The following BIRC2 variants were observed in gnomAD, a reference collection of about 807,000 sequenced individuals.
BIRC2 encodes the protein baculoviral IAP repeat containing 2.
Under a neutral mutation model 60.9 loss-of-function variants are expected in BIRC2, and 18 were observed. The ratio of observed to expected loss-of-function variants is 0.30; its 90% CI spans 0.20 to 0.44. The LOEUF (loss-of-function observed/expected upper bound fraction) is 0.44, where lower values mean the gene tolerates loss of function less well. Ranked by LOEUF, BIRC2 falls within the 20% of genes least tolerant of loss-of-function variation. BIRC2 has a pLI of 1.00. For missense variants in BIRC2, 701 were observed against 728.5 expected (o/e 0.96, Z 0.43); for synonymous variants, 282 against 247.7 (o/e 1.14, Z -1.30).
intron 6 of BIRC2, among the ~76,000 whole-genome samples, chr11:102,372,344 G>T (rs1012618948): frequency 6.6e-6 from 1 of 152,090 alleles, no homozygotes; most frequent in Non-Finnish European, 1.5e-5. Flanking sequence ...CTTTGAATGT[G>T]TCCCAGAGAT....
At chr11:102,360,467 C>T (rs1277733704) in intron 3 of BIRC2, among the ~76,000 whole-genome samples, 2 of 151,682 alleles carry the variant, frequency 1.3e-5, no homozygotes, top group African/African-American at 2.4e-5. Context: ...TTATGTTCTT[C>T]AGCTCCCGAA....
At chr11:102,351,233 A>G (rs1951355068) in intron 3 of BIRC2, among the ~76,000 whole-genome samples, 1 of 152,248 alleles carries the variant, frequency 6.6e-6, no homozygotes, top group African/African-American at 2.4e-5. Flanking sequence ...ATAGATTAAA[A>G]AGACGTTAGA....
chr11:102,371,853 T>C (rs1212761681), intron 6 of BIRC2, among the ~76,000 whole-genome samples: 1 of 152,110 alleles, frequency 6.6e-6, no homozygotes, highest in East Asian at 1.9e-4. Context: ...GATCCTGTTA[T>C]TGGTCTATTC....
intron 5 of BIRC2, among the ~76,000 whole-genome samples, chr11:102,365,220 CAACTT>C (rs1471988442): frequency 1.3e-5 from 2 of 152,294 alleles, no homozygotes; most frequent in African/African-American, 4.8e-5. Flanking sequence ...CCCCTACTGT[CAACTT>C]AAGAAGGTTA....
At chr11:102,353,060 A>G (rs1210111617) in intron 3 of BIRC2, among the ~76,000 whole-genome samples, 1 of 152,192 alleles carries the variant, frequency 6.6e-6, no homozygotes, top group Non-Finnish European at 1.5e-5. Context: ...AAAATTAAAA[A>G]GCATGTTTTA....
At chr11:102,363,577 A>T (rs537928483) in intron 4 of BIRC2, 91 bp from the exon 5 acceptor site, 3 of 963,566 alleles carry the variant, frequency 3.1e-6, no homozygotes, top group Admixed American at 2.0e-5. Context: ...GAACATATAC[A>T]TTTACTTAAA....
chr11:102,350,701 G>A lies in BIRC2; in HGVS notation c.847G>A (p.Val283Ile). 2.5e-6 allele frequency: 4 copies of A among 1,612,548 alleles called. No homozygotes were observed. Among genetic ancestry groups the A allele is most frequent in the Non-Finnish European group, 3.4e-6 (4 of 1,179,298 alleles). Residue 283 changes from valine to isoleucine, a missense_variant, in exon 2 of 9, where the codon GTT (valine) becomes ATT (isoleucine). By Grantham distance (29) the Val-to-Ile change is conservative (BLOSUM62 3). This residue lies in a region of BIRC2 where 375 missense variants were observed against 365.9 expected (regional missense o/e 1.02). Transcript: ENST00000227758. ...AACATTTATGTACTGGCCATCTAGT[G>A]TTCCAGTTCAGCCTGAGCAGCTTGC... ...MRTFMYWPSS[V>I]PVQPEQLASA...
intron 6 of BIRC2, among the ~76,000 whole-genome samples, chr11:102,375,686 A>T (rs567595608): frequency 6.6e-6 from 1 of 151,792 alleles, no homozygotes; most frequent in Non-Finnish European, 1.5e-5. Context: ...AGGCTGAGGC[A>T]GGAGAATGGC....
At chr11:102,348,297 T>A (rs1951315162) in intron 1 of BIRC2, 1 of 153,052 alleles carries the variant, frequency 6.5e-6, no homozygotes, top group African/African-American at 2.4e-5. Flanking sequence ...AGAGTTACCT[T>A]TAGGCCAGAA....
intron 6 of BIRC2, among the ~76,000 whole-genome samples, chr11:102,376,393 A>G (rs999442425): frequency 3.5e-4 from 53 of 152,360 alleles, no homozygotes; most frequent in African/African-American, 1.2e-3. Flanking sequence ...GGTAGAAGAA[A>G]AAGTTGTCAC....
intron 6 of BIRC2, among the ~76,000 whole-genome samples, chr11:102,375,608 G>A (rs778445721): frequency 1.3e-5 from 2 of 151,976 alleles, no homozygotes; most frequent in South Asian, 2.1e-4. Flanking sequence ...ATGAAACCCC[G>A]TCTTGACTAA....
chr11:102,364,333 A>G (rs563914198), intron 5 of BIRC2, among the ~76,000 whole-genome samples: 1 of 151,686 alleles, frequency 6.6e-6, no homozygotes, highest in South Asian at 2.1e-4. Context: ...AAAGAAAAAC[A>G]AAAAATAGTT....
intron 3 of BIRC2, among the ~76,000 whole-genome samples, chr11:102,362,227 TATA>T (rs1179814783): frequency 1.3e-5 from 2 of 152,222 alleles, no homozygotes; most frequent in Admixed American, 6.5e-5. Flanking sequence ...TATTTTTGCA[TATA>T]ATATGGGCAT....
At chr11:102,374,401 C>A (rs1951676163) in intron 6 of BIRC2, among the ~76,000 whole-genome samples, 2 of 148,366 alleles carry the variant, frequency 1.3e-5, no homozygotes, top group African/African-American at 2.5e-5. Context: ...GGACCCTCAG[C>A]TGCAGGTCTG....
At position 102,364,139 on chromosome 11, in the gene BIRC2, TTATATATATATA is replaced by T. The variant is rs371707721; in HGVS notation, c.1123+448_1123+459del. ...ATACTGGGAAGTCAGCTAATAAATA[TTATATATATATA>T]TATATATATATATATATATATATAC... On this transcript the variant is annotated intron_variant, in intron 5 of 8. Coordinates refer to ENST00000227758, the MANE Select transcript of BIRC2 (RefSeq NM_001166.5). Among the ~76,000 whole-genome samples the T allele has an allele frequency of 1.9e-3, 119 of 61,404 alleles. 3 individuals are homozygous for T. The highest frequency in any genetic ancestry group is 0.019 in the Middle Eastern group (3 of 158). 40.3% of individuals were successfully genotyped at this position (61,404 alleles called of 152,430 possible).
In BIRC2 at chr11:102,350,224, A is replaced by G. The variant is rs1951340497; in HGVS notation, c.370A>G (p.Thr124Ala). ...TCTGGTTTCAGCTAGTCTGGGATCCACCTCTAAGAATACGTCTCCAATGAG... is the reference window on the plus strand; with the variant it reads ...TCTGGTTTCAGCTAGTCTGGGATCCGCCTCTAAGAATACGTCTCCAATGAG... ...QNLVSASLGS[T>A]SKNTSPMRNS... The change falls in exon 2 of 9, where the codon ACC becomes GCC. Residue 124 changes from threonine to alanine, a missense_variant. By Grantham distance (58) the Thr-to-Ala change is moderately conservative. Transcript: ENST00000227758. 2 of 1,614,190 alleles carry G rather than the reference A, an allele frequency of 1.2e-6. No homozygotes were observed. Among genetic ancestry groups the G allele is most frequent in the Non-Finnish European group, 8.5e-7 (1 of 1,180,034 alleles).
chr11:102,368,270 G>T (rs768443520), intron 5 of BIRC2, 36 bp from the exon 6 acceptor site: 1 of 1,595,076 alleles, frequency 6.3e-7, no homozygotes, highest in South Asian at 1.1e-5. Context: ...GTTTATGTTT[G>T]TGGAATTTAA....
intron 3 of BIRC2, 87 bp downstream of exon 3, chr11:102,351,030 T>C: frequency 8.2e-7 from 1 of 1,221,992 alleles, no homozygotes; most frequent in Non-Finnish European, 1.2e-6. Context: ...TACCTTTAAA[T>C]TATAACAAAG....
intron 6 of BIRC2, among the ~76,000 whole-genome samples, chr11:102,377,270 A>G (rs878978566): frequency 1.1e-4 from 17 of 152,320 alleles, no homozygotes; most frequent in Middle Eastern, 3.4e-3. Context: ...AAATAAAGTA[A>G]AAGCGGAGTT....
Sources: gnomAD v4.1 joint callset for allele counts (sites outside exome capture counted in the v4.1 genomes callset) on GRCh38, gnomAD v4.1.1 for gene constraint, gnomAD v4.1.1 regional missense constraint, MANE v1.5 for transcripts, NCBI Gene and HGNC (gene_info 2026-07-23, HGNC 2026-07-21) for gene names.